Variants in PCOLCE2 observed in about 807,000 individuals in gnomAD.
The protein encoded by PCOLCE2 is procollagen C-endopeptidase enhancer 2.
Under a neutral mutation model 47.0 loss-of-function variants are expected in PCOLCE2, and 42 were observed. The observed-to-expected ratio is 0.89, with a 90% CI of 0.70 to 1.16. The LOEUF (loss-of-function observed/expected upper bound fraction) is 1.16, where lower values mean the gene tolerates loss of function less well. Ranked by LOEUF, PCOLCE2 falls within the 50% of genes most tolerant of loss-of-function variation. The pLI, the probability that PCOLCE2 is intolerant of heterozygous loss-of-function variation, is 0.00. For synonymous variants in PCOLCE2, 169 were observed against 191.7 expected (o/e 0.88, Z 0.98); for missense variants, 500 against 526.1 (o/e 0.95, Z 0.49).
At chr3:142,843,082 G>T (rs1259743124) in intron 3 of PCOLCE2, 34 bp from the exon 4 acceptor site, 3 of 1,602,620 alleles carry the variant, frequency 1.9e-6, no homozygotes, top group African/African-American at 2.7e-5. Flanking sequence ...AAGCCCACAA[G>T]TTTATGTAGG....
chr3:142,847,121 CAAACTT>C (rs1268432342), intron 3 of PCOLCE2, among the ~76,000 whole-genome samples: 1 of 152,198 alleles, frequency 6.6e-6, no homozygotes, highest in African/African-American at 2.4e-5. Flanking sequence ...TGGCTAGACT[CAAACTT>C]AAAGTCTGTT....
chr3:142,825,904 T>A (rs1017331436), intron 6 of PCOLCE2, among the ~76,000 whole-genome samples: 2 of 152,152 alleles, frequency 1.3e-5, no homozygotes, highest in African/African-American at 2.4e-5. Context: ...AGGCTGGAGT[T>A]CAGCCTACTC....
chr3:142,874,753 A>G (rs1487806069), intron 2 of PCOLCE2, among the ~76,000 whole-genome samples: 1 of 152,192 alleles, frequency 6.6e-6, no homozygotes, highest in Non-Finnish European at 1.5e-5. Context: ...CTACCAGGAA[A>G]AAGGCCTTGG....
In PCOLCE2 at chr3:142,829,811, T is replaced by C. The variant is rs781639031; in HGVS notation, c.746A>G (p.Gln249Arg). The change falls in exon 6 of 9, where the codon CAG becomes CGG. Residue 249 changes from glutamine to arginine, a missense_variant. Transcript: ENST00000295992. ...AGTTAAACTTAAGTCTGATAAAAAC[T>C]GAATAAGAAGTTCATTTCTCTCAGA... is the stretch of plus-strand genomic sequence containing the variant. ...IVSERNELLI[Q>R]FLSDLSLTAD... 11 of 1,597,252 alleles carry C rather than the reference T, an allele frequency of 6.9e-6. No individual in the cohort carries two copies. In the Admixed American group the frequency reaches 1.4e-4, roughly 20 times the overall value.
At chr3:142,863,096 C>CAAA (rs35383176) in intron 2 of PCOLCE2, among the ~76,000 whole-genome samples, 34 of 85,900 alleles carry the variant, frequency 4.0e-4, no homozygotes, top group Admixed American at 8.5e-4. Context: ...GTCTGGCAGG[C>CAAA]AAAAAAAAAA....
intron 5 of PCOLCE2, among the ~76,000 whole-genome samples, chr3:142,830,600 A>G (rs1449670679): frequency 1.3e-5 from 2 of 152,232 alleles, no homozygotes; most frequent in African/African-American, 2.4e-5. Context: ...ATCATTGATT[A>G]AGAGCTCTAA....
rs1476368348 is a variant in PCOLCE2 at position 142,823,501 on chromosome 3, A to G, written c.949+31T>C. ...AGCATGCAGCCTCAAGTTTCTGGTTAAAGAGAAAAAGACTGGCTTTTATTT... is the reference window on the plus strand; with the variant it reads ...AGCATGCAGCCTCAAGTTTCTGGTTGAAGAGAAAAAGACTGGCTTTTATTT... On this transcript the variant is annotated intron_variant, in intron 7 of 8. Coordinates refer to ENST00000295992, the MANE Select transcript of PCOLCE2 (RefSeq NM_013363.4). The G allele has an allele frequency of 3.0e-6, 4 of 1,346,564 alleles. No homozygotes were observed. The South Asian group carries it at 3.6e-5, about 12-fold the overall frequency. The allele number at this position is 1,346,564 out of a possible 1,614,324, so 83.4% of individuals were successfully genotyped here. A position where few individuals can be genotyped will look rare whatever the true frequency, so the allele number is the denominator to read the frequency against.
Position 142,852,647 on chromosome 3 carries a change from A to ATGTGTG in PCOLCE2, c.193-4181_193-4176dup, listed in dbSNP as rs35154183. On this transcript the variant is annotated intron_variant, in intron 2 of 8. Transcript: ENST00000295992. ...TGGGTTTCCTTCCATGCTGATCAAA[A>ATGTGTG]TGTGTGTGTGTGTGTGTGTGTGTGT... Among the ~76,000 whole-genome samples, 1,343 of 144,772 alleles carry ATGTGTG rather than the reference A, an allele frequency of 9.3e-3. 23 individuals are homozygous for ATGTGTG. The highest frequency in any genetic ancestry group is 0.032 in the African/African-American group (1,269 of 39,468). 95.0% of individuals were successfully genotyped at this position (144,772 alleles called of 152,430 possible). A position where few individuals can be genotyped will look rare whatever the true frequency, so the allele number is the denominator to read the frequency against.
At chr3:142,851,850 C>T (rs1297424211) in intron 2 of PCOLCE2, among the ~76,000 whole-genome samples, 1 of 152,118 alleles carries the variant, frequency 6.6e-6, no homozygotes, top group Non-Finnish European at 1.5e-5. Flanking sequence ...TCTGACACTA[C>T]GTAGACAATT....
chr3:142,888,795 C>A lies in PCOLCE2; in HGVS notation c.83+19G>T. On this transcript the variant is annotated intron_variant, in intron 1 of 8. Transcript: ENST00000295992. ...GAAGGGAAAGGAGAGAAAGGGAGCCCGGGCAGGGGTCGCGTTACCTCTCTG... is the reference window on the plus strand; with the variant it reads ...GAAGGGAAAGGAGAGAAAGGGAGCCAGGGCAGGGGTCGCGTTACCTCTCTG... 1 of 1,437,402 alleles carries A rather than the reference C, an allele frequency of 7.0e-7. No individual in the cohort carries two copies. Among genetic ancestry groups the A allele is most frequent in the Non-Finnish European group, 9.3e-7 (1 of 1,080,060 alleles). The allele number at this position is 1,437,402 out of a possible 1,614,324, so 89.0% of individuals were successfully genotyped here.
At chr3:142,875,326 C>T (rs557853530) in intron 2 of PCOLCE2, among the ~76,000 whole-genome samples, 55 of 152,258 alleles carry the variant, frequency 3.6e-4, no homozygotes, top group South Asian at 3.3e-3. Flanking sequence ...CAACTCCAGG[C>T]GACATCTACA....
intron 3 of PCOLCE2, among the ~76,000 whole-genome samples, chr3:142,847,494 C>T (rs574061669): frequency 4.6e-5 from 7 of 152,268 alleles, no homozygotes; most frequent in South Asian, 2.1e-4. Context: ...GAGATTTCTA[C>T]GCTTGGGAGC....
At chr3:142,851,623 T>C (rs762432614) in intron 2 of PCOLCE2, among the ~76,000 whole-genome samples, 1 of 152,116 alleles carries the variant, frequency 6.6e-6, no homozygotes, top group Non-Finnish European at 1.5e-5. Context: ...GGATAAGTTA[T>C]TTGGCGGAGA....
chr3:142,876,987 A>G (rs1933509293), intron 2 of PCOLCE2, among the ~76,000 whole-genome samples: 1 of 152,236 alleles, frequency 6.6e-6, no homozygotes, highest in African/African-American at 2.4e-5. Flanking sequence ...GTCTGGCTCC[A>G]GAAATTACAC....
At chr3:142,840,333 A>T (rs946246314) in intron 4 of PCOLCE2, among the ~76,000 whole-genome samples, 9 of 152,234 alleles carry the variant, frequency 5.9e-5, no homozygotes, top group African/African-American at 2.2e-4. Flanking sequence ...TTCCCCATAC[A>T]AGCAAATGTT....
chr3:142,828,492 C>G (rs1937110312), intron 6 of PCOLCE2, among the ~76,000 whole-genome samples: 1 of 152,068 alleles, frequency 6.6e-6, no homozygotes. Flanking sequence ...ACACAGTCTA[C>G]TCGGTGTGGT....
intron 2 of PCOLCE2, among the ~76,000 whole-genome samples, chr3:142,863,512 A>T (rs532910341): frequency 5.9e-4 from 90 of 152,364 alleles, no homozygotes; most frequent in Admixed American, 9.1e-4. Context: ...GGGACATGGA[A>T]AAACTTTTAC....
At chr3:142,873,416 A>C (rs964441596) in intron 2 of PCOLCE2, among the ~76,000 whole-genome samples, 1 of 151,812 alleles carries the variant, frequency 6.6e-6, no homozygotes, top group African/African-American at 2.4e-5. Flanking sequence ...AAAAGAAAAA[A>C]ATTTTTTAAA....
intron 3 of PCOLCE2, among the ~76,000 whole-genome samples, chr3:142,844,242 C>T (rs1937299637): frequency 6.6e-6 from 1 of 152,192 alleles, no homozygotes; most frequent in Non-Finnish European, 1.5e-5. Context: ...CAGTTCTCTA[C>T]ACTACTTTTC....
Sources: gnomAD v4.1 joint callset for allele counts (sites outside exome capture counted in the v4.1 genomes callset) on GRCh38, gnomAD v4.1.1 for gene constraint, MANE v1.5 for transcripts, NCBI Gene and HGNC (gene_info 2026-07-23, HGNC 2026-07-21) for gene names.